Variants in RGS2 observed in about 807,000 individuals in gnomAD.
The protein encoded by RGS2 is regulator of G protein signaling 2.
In RGS2, 20 loss-of-function variants were observed where a neutral mutation model predicts 26.6. That is an observed-to-expected ratio of 0.75 (90% CI 0.53 to 1.09). The LOEUF (loss-of-function observed/expected upper bound fraction) is 1.09. Among genes scored for constraint, RGS2 ranks in the 50% least tolerant of loss-of-function variants. The probability of loss-of-function intolerance (pLI) is 0.00; values close to 1 mark genes in which losing one functional copy is unlikely to be tolerated. For missense variants in RGS2, 246 were observed against 245.5 expected (o/e 1.00, Z -0.01); for synonymous variants, 97 against 79.9 (o/e 1.21, Z -1.14).
intron 1 of RGS2, 194 bp downstream of exon 1, chr1:192,809,375 G>C: frequency 1.6e-6 from 1 of 618,108 alleles, no homozygotes; most frequent in South Asian, 1.7e-5. Context: ...AACCGAGGGA[G>C]ACAGTTGATA....
chr1:192,811,929 G>T lies in RGS2; in HGVS notation c.*333G>T. Reference sequence around the variant, plus strand: ...AAAGCATTTAAAATCAATAGATCTGGGATTATGTGGCCTTAGGTAGCTGGT... The same window carrying T: ...AAAGCATTTAAAATCAATAGATCTGTGATTATGTGGCCTTAGGTAGCTGGT... On this transcript the variant is annotated 3_prime_UTR_variant, in exon 5 of 5. Transcript: ENST00000235382. 1 of 348,138 alleles carries T rather than the reference G, an allele frequency of 2.9e-6. No homozygotes were observed. Among genetic ancestry groups the T allele is most frequent in the Non-Finnish European group, 5.5e-6 (1 of 181,000 alleles). 21.6% of individuals were successfully genotyped at this position (348,138 alleles called of 1,614,324 possible).
In RGS2 at chr1:192,809,298, A is replaced by G. The variant is rs1176806835; in HGVS notation, c.110+117A>G. 4 of 769,752 alleles carry G rather than the reference A, an allele frequency of 5.2e-6. No homozygotes were observed. In the African/African-American group the frequency reaches 6.8e-5, roughly 13 times the overall value. The allele number at this position is 769,752 out of a possible 1,614,324, so 47.7% of individuals were successfully genotyped here. A position where few individuals can be genotyped will look rare whatever the true frequency, so the allele number is the denominator to read the frequency against. ...AAACTAGCCTGAGCCTATGCAGGGA[A>G]AAAAAATCGAAAAGGTCAATTTGTT... is the stretch of plus-strand genomic sequence containing the variant. On this transcript the variant is annotated intron_variant, in intron 1 of 4. Transcript: ENST00000235382.
At chr1:192,810,081 CTT>C (rs1665559386) in intron 1 of RGS2, 83 bp from the exon 2 acceptor site, 2 of 860,422 alleles carry the variant, frequency 2.3e-6, no homozygotes, top group Non-Finnish European at 3.9e-6. Context: ...TACTGGGTGA[CTT>C]TATTTGGTAA....
chr1:192,809,860 G>A (rs879510044), intron 1 of RGS2, among the ~76,000 whole-genome samples: 7 of 152,206 alleles, frequency 4.6e-5, no homozygotes, highest in Non-Finnish European at 1.0e-4. Flanking sequence ...TGCCCTTTGT[G>A]AGCCAGAAAT....
At chr1:192,811,241 TA>T in intron 4 of RGS2, 94 bp downstream of exon 4, 1 of 1,454,510 alleles carries the variant, frequency 6.9e-7, no homozygotes, top group Non-Finnish European at 9.6e-7. Flanking sequence ...CTAGGAGGGG[TA>T]AAAAGTCCCT....
chr1:192,810,848 AATTACAGGTT>A, intron 3 of RGS2, 123 bp from the exon 4 acceptor site: 1 of 1,048,622 alleles, frequency 9.5e-7, no homozygotes, highest in East Asian at 2.4e-5. Flanking sequence ...AAATTTTGAG[AATTACAGGTT>A]TGAGCGAAAT....
chr1:192,810,659 T>C, intron 3 of RGS2: 1 of 623,086 alleles, frequency 1.6e-6, no homozygotes, highest in Non-Finnish European at 2.8e-6. Flanking sequence ...CAGTTGCTTA[T>C]AGTTAAGGTT....
Position 192,811,647 on chromosome 1 carries a change from G to T in RGS2, c.*51G>T. The T allele has an allele frequency of 6.5e-7, 1 of 1,544,378 alleles. No homozygotes were observed. The highest frequency in any genetic ancestry group is 1.1e-5 in the South Asian group (1 of 89,482). ...AGGACATTTCATTCTTTTTCCTGAG[G>T]GGAAGGACTGTGACCTGCCATAAAG... On this transcript the variant is annotated 3_prime_UTR_variant, in exon 5 of 5. Transcript: ENST00000235382.
intron 1 of RGS2, 136 bp downstream of exon 1, chr1:192,809,317 A>G (rs1665549013): frequency 1.4e-6 from 1 of 722,542 alleles, no homozygotes; most frequent in East Asian, 2.7e-5. Flanking sequence ...GAAAAGGTCA[A>G]TTTGTTAAGT....
At chr1:192,809,252 G>A in intron 1 of RGS2, 71 bp downstream of exon 1, 1 of 1,144,870 alleles carries the variant, frequency 8.7e-7, no homozygotes, top group Non-Finnish European at 1.3e-6. Context: ...CGGTACTTTC[G>A]GGCTCGCCTT....
In RGS2 at chr1:192,809,054, T is replaced by A; in HGVS notation, c.-18T>A. On this transcript the variant is annotated 5_prime_UTR_variant, in exon 1 of 5. Coordinates refer to ENST00000235382, the MANE Select transcript of RGS2 (RefSeq NM_002923.4). ...ACGCCCAGCCGCAAACAGCCGGGGC[T>A]CCAGCGGGAGAACGATAATGCAAAG... 1 of 1,586,918 alleles carries A rather than the reference T, an allele frequency of 6.3e-7. No individual in the cohort carries two copies. Among genetic ancestry groups the A allele is most frequent in the Non-Finnish European group, 8.7e-7 (1 of 1,155,328 alleles).
chr1:192,809,067 C>A lies in RGS2; in HGVS notation c.-5C>A, dbSNP rs751951851. Reference sequence around the variant, plus strand: ...AACAGCCGGGGCTCCAGCGGGAGAACGATAATGCAAAGTGCTATGTTCTTG... The same window carrying A: ...AACAGCCGGGGCTCCAGCGGGAGAAAGATAATGCAAAGTGCTATGTTCTTG... On this transcript the variant is annotated 5_prime_UTR_variant, in exon 1 of 5. Coordinates refer to ENST00000235382, the MANE Select transcript of RGS2 (RefSeq NM_002923.4). 1.2e-6 allele frequency: 2 copies of A among 1,606,750 alleles called. No individual in the cohort carries two copies. The highest frequency in any genetic ancestry group is 1.1e-5 in the South Asian group (1 of 90,912).
intron 4 of RGS2, 122 bp downstream of exon 4, chr1:192,811,269 AGTTAT>A (rs1665588071): frequency 7.5e-7 from 1 of 1,339,026 alleles, no homozygotes; most frequent in Non-Finnish European, 1.1e-6. Flanking sequence ...TGTAGCTTTC[AGTTAT>A]GTTAAAGTTC....
rs367837079 is a variant in RGS2 at position 192,809,040 on chromosome 1, C to A, written c.-32C>A. Reference sequence around the variant, plus strand: ...AAATGCTGCGACGCACGCCCAGCCGCAAACAGCCGGGGCTCCAGCGGGAGA... The same window carrying A: ...AAATGCTGCGACGCACGCCCAGCCGAAAACAGCCGGGGCTCCAGCGGGAGA... On this transcript the variant is annotated 5_prime_UTR_variant, in exon 1 of 5. Coordinates refer to ENST00000235382, the MANE Select transcript of RGS2 (RefSeq NM_002923.4). The A allele has an allele frequency of 1.3e-6, 2 of 1,535,056 alleles. No individual in the cohort carries two copies. The highest frequency in any genetic ancestry group is 1.4e-5 in the African/African-American group (1 of 73,462).
intron 3 of RGS2, 28 bp downstream of exon 3, chr1:192,810,459 T>C (rs1000790169): frequency 1.2e-6 from 2 of 1,608,518 alleles, no homozygotes; most frequent in Admixed American, 1.7e-5. Flanking sequence ...CTTGAGCCAT[T>C]GCTAACATCG....
At chr1:192,810,464 A>G (rs1665573517) in intron 3 of RGS2, 33 bp downstream of exon 3, 1 of 1,604,372 alleles carries the variant, frequency 6.2e-7, no homozygotes, top group South Asian at 1.1e-5. Context: ...GCCATTGCTA[A>G]CATCGCAAAA....
chr1:192,810,062 G>C lies in RGS2; in HGVS notation c.111-104G>C. 5.3e-6 allele frequency: 4 copies of C among 749,818 alleles called. No homozygotes were observed. In the South Asian group the frequency reaches 5.9e-5, roughly 11 times the overall value. The allele number at this position is 749,818 out of a possible 1,614,324, so 46.4% of individuals were successfully genotyped here. ...GTTCTTGCTTTGCCTTATGCGGTTTGTCTCTAGTTACTGGGTGACTTTATT... is the reference window on the plus strand; with the variant it reads ...GTTCTTGCTTTGCCTTATGCGGTTTCTCTCTAGTTACTGGGTGACTTTATT... On this transcript the variant is annotated intron_variant, in intron 1 of 4. Transcript: ENST00000235382.
chr1:192,809,449 T>C (rs964668324), intron 1 of RGS2: 2 of 484,132 alleles, frequency 4.1e-6, no homozygotes, highest in Non-Finnish European at 7.6e-6. Context: ...GCATTCAAAA[T>C]GACATCAGAA....
At chr1:192,810,532 T>C (rs1416336163) in intron 3 of RGS2, 101 bp downstream of exon 3, 1 of 974,234 alleles carries the variant, frequency 1.0e-6, no homozygotes, top group Non-Finnish European at 1.7e-6. Flanking sequence ...GGGATTAGAC[T>C]GCAGTCACTA....
Sources: gnomAD v4.1 joint callset for allele counts (sites outside exome capture counted in the v4.1 genomes callset) on GRCh38, gnomAD v4.1.1 for gene constraint, MANE v1.5 for transcripts, NCBI Gene and HGNC (gene_info 2026-07-23, HGNC 2026-07-21) for gene names.